Variants in CACNA2D3 observed in about 807,000 individuals in gnomAD.
CACNA2D3 encodes the protein calcium voltage-gated channel auxiliary subunit alpha2delta 3.
Under a neutral mutation model 160.6 loss-of-function variants are expected in CACNA2D3, and 60 were observed. The observed-to-expected ratio is 0.37, with a 90% CI of 0.30 to 0.46. The LOEUF is 0.46. Ranked by LOEUF, CACNA2D3 falls within the 20% of genes least tolerant of loss-of-function variation. CACNA2D3 has a pLI of 1.00. For synonymous variants in CACNA2D3, 558 were observed against 492.9 expected, an observed-to-expected ratio of 1.13 and a Z score of -1.75; for missense variants, 1,205 against 1,365.0, an observed-to-expected ratio of 0.88 and a Z score of 1.85.
chr3:54,439,670 A>G (rs985028773), intron 4 of CACNA2D3, among the ~76,000 whole-genome samples: 5 of 152,166 alleles, frequency 3.3e-5, no homozygotes, highest in Non-Finnish European at 1.5e-5. Flanking sequence ...TCAAGAAGCC[A>G]TGGCCAGGGG....
At chr3:54,622,170 G>A (rs948811422) in intron 9 of CACNA2D3, among the ~76,000 whole-genome samples, 2 of 152,186 alleles carry the variant, frequency 1.3e-5, no homozygotes, top group Non-Finnish European at 2.9e-5. Flanking sequence ...TTTCACAGCA[G>A]GCAAAATTGA....
intron 35 of CACNA2D3, among the ~76,000 whole-genome samples, chr3:55,065,607 C>T (rs779744189): frequency 2.0e-5 from 3 of 151,616 alleles, no homozygotes; most frequent in Non-Finnish European, 4.4e-5. Flanking sequence ...TTCAAGGCTG[C>T]AGTGAGCTAC....
intron 11 of CACNA2D3, among the ~76,000 whole-genome samples, chr3:54,671,360 TCA>T (rs1240587455): frequency 6.6e-6 from 1 of 152,018 alleles, no homozygotes; most frequent in African/African-American, 2.4e-5. Flanking sequence ...TTGGTTGTGC[TCA>T]CAGAGAGGCT....
At chr3:54,542,522 C>A (rs6805030) in intron 5 of CACNA2D3, among the ~76,000 whole-genome samples, 14,307 of 152,126 alleles carry the variant, frequency 0.094, 1,036 homozygotes, top group African/African-American at 0.21. Flanking sequence ...AGTCTGTAGC[C>A]AAAGGCCCGA....
chr3:54,135,061 G>C (rs537783779), intron 2 of CACNA2D3, among the ~76,000 whole-genome samples: 1 of 152,336 alleles, frequency 6.6e-6, no homozygotes, highest in South Asian at 2.1e-4. Flanking sequence ...ACTGATATTA[G>C]GGAGAAATGT....
At chr3:54,918,852 G>C in intron 27 of CACNA2D3, 1 of 1,569,936 alleles carries the variant, frequency 6.4e-7, no homozygotes, top group Non-Finnish European at 8.7e-7. Flanking sequence ...TTCCCTTCCA[G>C]GTGTCTGGTG....
intron 5 of CACNA2D3, among the ~76,000 whole-genome samples, chr3:54,531,947 T>G (rs1205882214): frequency 6.6e-6 from 1 of 152,234 alleles, no homozygotes; most frequent in African/African-American, 2.4e-5. Context: ...CCTTTTTCAT[T>G]TCACCCTTGG....
chr3:54,544,746 A>G (rs1396545520), intron 5 of CACNA2D3, among the ~76,000 whole-genome samples: 2 of 152,186 alleles, frequency 1.3e-5, no homozygotes, highest in Non-Finnish European at 2.9e-5. Context: ...ACCTGGCATC[A>G]TGGACGGTCC....
At chr3:54,311,062 C>T (rs1703728863) in intron 2 of CACNA2D3, among the ~76,000 whole-genome samples, 2 of 152,160 alleles carry the variant, frequency 1.3e-5, no homozygotes, top group Admixed American at 6.5e-5. Flanking sequence ...CGATTTGAAC[C>T]CTGGCCAGTA....
chr3:54,747,766 A>G (rs1701781585), intron 11 of CACNA2D3, among the ~76,000 whole-genome samples: 1 of 152,022 alleles, frequency 6.6e-6, no homozygotes, highest in African/African-American at 2.4e-5. Context: ...GCTCTTTCCC[A>G]TTAGCTATAT....
chr3:54,293,057 T>C (rs1433806170), intron 2 of CACNA2D3, among the ~76,000 whole-genome samples: 1 of 152,158 alleles, frequency 6.6e-6, no homozygotes, highest in African/African-American at 2.4e-5. Flanking sequence ...TAATGCAAAG[T>C]GAAATAAATC....
chr3:54,240,149 T>C (rs908955343), intron 2 of CACNA2D3, among the ~76,000 whole-genome samples: 6 of 151,982 alleles, frequency 3.9e-5, no homozygotes, highest in Admixed American at 3.9e-4. Context: ...TAAGAGGGAG[T>C]TTGGAATAGT....
At chr3:55,049,951 GC>G (rs1484423876) in intron 35 of CACNA2D3, among the ~76,000 whole-genome samples, 1 of 150,212 alleles carries the variant, frequency 6.7e-6, no homozygotes, top group African/African-American at 2.5e-5. Context: ...TTTTCCATTG[GC>G]TTGTTAGATC....
intron 27 of CACNA2D3, among the ~76,000 whole-genome samples, chr3:54,942,340 C>G (rs1414809329): frequency 1.3e-5 from 2 of 152,206 alleles, no homozygotes; most frequent in African/African-American, 4.8e-5. Flanking sequence ...GACCTCTCCC[C>G]CTGAGTTCTG....
Position 54,759,812 on chromosome 3 carries a change from C to T in CACNA2D3, c.1247-4406C>T, listed in dbSNP as rs58580255. On this transcript the variant is annotated intron_variant, in intron 12 of 37. Transcript: ENST00000474759. ...GGAGCTCTGAGCTGCTCTCCTGTCCCTTCCCAGCAGCGAAAGAGGCAGTGT... is the reference window on the plus strand; with the variant it reads ...GGAGCTCTGAGCTGCTCTCCTGTCCTTTCCCAGCAGCGAAAGAGGCAGTGT... Among the ~76,000 whole-genome samples the T allele has an allele frequency of 9.0e-4, 137 of 152,298 alleles. 1 individual carries two copies. In the East Asian group the frequency reaches 0.021, roughly 23 times the overall value.
At chr3:54,566,581 C>T (rs1265508971) in intron 6 of CACNA2D3, among the ~76,000 whole-genome samples, 3 of 147,438 alleles carry the variant, frequency 2.0e-5, no homozygotes, top group Middle Eastern at 3.2e-3. Context: ...CTCTTACCTA[C>T]ATAAAGAAAA....
chr3:54,762,525 G>A lies in CACNA2D3; in HGVS notation c.1247-1693G>A, dbSNP rs539698136. ...ACTGCCAGGCCCCAGGGGGGGCAGG[G>A]GTCTTGCTCACCTTGTTAATCGCTG... On this transcript the variant is annotated intron_variant, in intron 12 of 37. Transcript: ENST00000474759. Among the ~76,000 whole-genome samples, 5 of 152,286 alleles carry A rather than the reference G, an allele frequency of 3.3e-5. No homozygotes were observed. The East Asian group carries it at 7.7e-4, about 24-fold the overall frequency.
intron 4 of CACNA2D3, among the ~76,000 whole-genome samples, chr3:54,387,758 C>T (rs1306157686): frequency 6.6e-6 from 1 of 152,208 alleles, no homozygotes; most frequent in South Asian, 2.1e-4. Context: ...TGTGACCTTT[C>T]CTCACCACTA....
intron 25 of CACNA2D3, among the ~76,000 whole-genome samples, chr3:54,892,014 C>T (rs1441171938): frequency 6.6e-6 from 1 of 152,132 alleles, no homozygotes; most frequent in Non-Finnish European, 1.5e-5. Context: ...AGATGGTGGG[C>T]AGAGAGTTTC....
Sources: gnomAD v4.1 joint callset for allele counts (sites outside exome capture counted in the v4.1 genomes callset) on GRCh38, gnomAD v4.1.1 for gene constraint, MANE v1.5 for transcripts, NCBI Gene and HGNC (gene_info 2026-07-23, HGNC 2026-07-21) for gene names.